Variants in UNC13A observed in about 807,000 individuals in gnomAD.
UNC13A encodes protein unc-13 homolog A.
In UNC13A, 61 loss-of-function variants were observed where a neutral mutation model predicts 219.7. That is an observed-to-expected ratio of 0.28 (90% confidence interval 0.23 to 0.34). The LOEUF (loss-of-function observed/expected upper bound fraction) is 0.34, where lower values mean the gene tolerates loss of function less well. UNC13A is among the 10% of genes least tolerant of loss of function. UNC13A has a pLI of 1.00. For missense variants in UNC13A, 1,476 were observed against 2,270.3 expected, an observed-to-expected ratio of 0.65 and a Z score of 7.11; for synonymous variants, 920 against 884.6, an observed-to-expected ratio of 1.04 and a Z score of -0.71.
At chr19:17,611,935 C>T in intron 41 of UNC13A, 80 bp from the exon 42 acceptor site, 1 of 1,279,302 alleles carries the variant, frequency 7.8e-7, no homozygotes, top group Non-Finnish European at 1.1e-6. Flanking sequence ...GGCCTCCCAC[C>T]CACCTGTGCT....
chr19:17,619,549 C>T (rs62119942), intron 38 of UNC13A, among the ~76,000 whole-genome samples: 2,015 of 151,982 alleles, frequency 0.013, 23 homozygotes, highest in Non-Finnish European at 0.019. Flanking sequence ...AATCCTCCCG[C>T]CTCCCCAGTA....
At chr19:17,609,566 A>G (rs1403811254) in intron 43 of UNC13A, among the ~76,000 whole-genome samples, 2 of 150,988 alleles carry the variant, frequency 1.3e-5, no homozygotes, top group East Asian at 3.9e-4. Flanking sequence ...CCCCGCTCAT[A>G]AGCGTCATCA....
intron 1 of UNC13A, among the ~76,000 whole-genome samples, chr19:17,687,375 G>A (rs1274623738): frequency 2.0e-5 from 3 of 152,152 alleles, no homozygotes; most frequent in Non-Finnish European, 4.4e-5. Flanking sequence ...GGCCAGGAGG[G>A]GGACCAGGAG....
intron 42 of UNC13A, among the ~76,000 whole-genome samples, chr19:17,610,920 C>T (rs758488223): frequency 2.6e-5 from 4 of 152,022 alleles, no homozygotes; most frequent in African/African-American, 4.8e-5. Flanking sequence ...GCAATCCCAG[C>T]GACTCCGGAA....
chr19:17,610,534 A>G (rs1483059498), intron 42 of UNC13A, among the ~76,000 whole-genome samples: 1 of 152,168 alleles, frequency 6.6e-6, no homozygotes, highest in Non-Finnish European at 1.5e-5. Context: ...AATAAAGACT[A>G]CATTTCCCAG....
chr19:17,644,075 T>C (rs1414228121), intron 19 of UNC13A, among the ~76,000 whole-genome samples: 2 of 152,168 alleles, frequency 1.3e-5, no homozygotes, highest in Admixed American at 6.6e-5. Context: ...TCCATTAGAT[T>C]GGACTCCCCA....
intron 40 of UNC13A, among the ~76,000 whole-genome samples, chr19:17,618,180 C>T (rs1214609010): frequency 6.6e-6 from 1 of 152,236 alleles, no homozygotes; most frequent in Non-Finnish European, 1.5e-5. Context: ...CCACATCCTT[C>T]CCTCTACCCC....
chr19:17,604,956 G>T lies in UNC13A; in HGVS notation c.*1098C>A, dbSNP rs1253815328. The T allele has an allele frequency of 6.6e-6, 1 of 152,648 alleles. No homozygotes were observed. Among genetic ancestry groups the T allele is most frequent in the African/African-American group, 2.4e-5 (1 of 41,462 alleles). 9.5% of individuals were successfully genotyped at this position (152,648 alleles called of 1,614,324 possible). ...TTCCTATTTGGAAAATTCTGGAAAA[G>T]GAAGAAGGGATGGAGAAACCTGGGA... On this transcript the variant is annotated 3_prime_UTR_variant, in exon 44 of 44. Transcript: ENST00000519716.
intron 5 of UNC13A, among the ~76,000 whole-genome samples, 181 bp downstream of exon 5, chr19:17,669,372 C>T (rs1240885569): frequency 6.6e-6 from 1 of 152,152 alleles, no homozygotes; most frequent in Non-Finnish European, 1.5e-5. Flanking sequence ...CCGCACCCAG[C>T]AGGTTCACAT....
intron 41 of UNC13A, among the ~76,000 whole-genome samples, chr19:17,613,344 G>A (rs183830539): frequency 8.1e-4 from 123 of 152,254 alleles, no homozygotes; most frequent in African/African-American, 2.7e-3. Context: ...AGCTGGTTGA[G>A]GCTGCAGTGA....
chr19:17,614,454 C>T (rs1039093601), intron 41 of UNC13A: 3 of 152,252 alleles, frequency 2.0e-5, no homozygotes, highest in Non-Finnish European at 2.9e-5. Context: ...GAATCTCTCC[C>T]GGTCCCGCCT....
At chr19:17,665,176 G>A (rs2079618034) in intron 7 of UNC13A, among the ~76,000 whole-genome samples, 3 of 149,924 alleles carry the variant, frequency 2.0e-5, no homozygotes, top group Non-Finnish European at 4.4e-5. Context: ...GTCCAGTCTG[G>A]GTGACAGAGG....
chr19:17,610,155 G>A lies in UNC13A; in HGVS notation c.4652-56C>T, dbSNP rs564561400. The A allele has an allele frequency of 3.7e-6, 6 of 1,607,584 alleles. No homozygotes were observed. The South Asian group carries it at 5.5e-5, about 15-fold the overall frequency. ...CAGGTTCTCCCAGTTGGAAAAAGTA[G>A]ATGTTTGTGGCTCTCAAAACCTGCC... On this transcript the variant is annotated intron_variant, in intron 42 of 43. Transcript: ENST00000519716.
intron 41 of UNC13A, chr19:17,616,291 G>A: frequency 1.7e-6 from 1 of 592,850 alleles, no homozygotes; most frequent in Non-Finnish European, 3.0e-6. Flanking sequence ...TCAGGCCTGG[G>A]CGGCGGCCCT....
In UNC13A at chr19:17,609,999, C is replaced by A; in HGVS notation, c.4752G>T (p.Lys1584Asn). 1 of 1,614,058 alleles carries A rather than the reference C, an allele frequency of 6.2e-7. No homozygotes were observed. Among genetic ancestry groups the A allele is most frequent in the Non-Finnish European group, 8.5e-7 (1 of 1,179,906 alleles). ...TATTGTTCTTGGATTTGGTCGCAAA[C>A]TTGCGTTTCTTGTCGCTGAGCTGGG... ...IGPQLSDKKR[K>N]FATKSKNNSW... The change falls in exon 43 of 44, where the codon AAG (lysine) becomes AAT (asparagine). Residue 1584 changes from lysine (K) to asparagine (N), a missense_variant. Physicochemically the swap from Lys to Asn is moderately conservative, Grantham distance 94. This residue lies in a region of UNC13A where 187 missense variants were observed against 172.3 expected (regional missense o/e 1.09). Coordinates refer to ENST00000519716, the MANE Select transcript of UNC13A (RefSeq NM_001080421.3).
intron 6 of UNC13A, among the ~76,000 whole-genome samples, chr19:17,667,000 T>C (rs2145894804): frequency 6.6e-6 from 1 of 152,044 alleles, no homozygotes; most frequent in South Asian, 2.1e-4. Context: ...ACACCTGTAA[T>C]CCCAGCACTT....
chr19:17,670,942 A>ATAAAATAAAATAAAATAAAAT (rs2079775642), intron 4 of UNC13A, among the ~76,000 whole-genome samples: 1 of 151,040 alleles, frequency 6.6e-6, no homozygotes, highest in South Asian at 2.1e-4. Context: ...ATAAAATAAA[A>ATAAAATAAAATAAAATAAAAT]TAAAATAAAA....
At chr19:17,631,171 CTCCCTCCTT>C (rs1482852522) in intron 28 of UNC13A, among the ~76,000 whole-genome samples, 3 of 24,078 alleles carry the variant, frequency 1.2e-4, no homozygotes, top group Non-Finnish European at 2.2e-4. Flanking sequence ...CCCTCCCTCC[CTCCCTCCTT>C]TCCTTCCTTC....
intron 36 of UNC13A, among the ~76,000 whole-genome samples, chr19:17,622,191 CAT>C (rs2076736599): frequency 6.6e-6 from 1 of 152,224 alleles, no homozygotes. Flanking sequence ...TTACTGTACA[CAT>C]GAGACTCTTG....
Sources: allele counts gnomAD v4.1 joint callset (sites outside exome capture counted in the v4.1 genomes callset), GRCh38; gene constraint gnomAD v4.1.1; regional missense constraint gnomAD v4.1.1; transcripts MANE v1.5; gene names NCBI Gene and HGNC (gene_info 2026-07-23, HGNC 2026-07-21).